ASCC3: variants seen among roughly 807,000 people sequenced by gnomAD.
ASCC3 encodes ASC-1 complex subunit P200.
ASCC3 carries 158 observed loss-of-function variants against 256.3 expected under a neutral mutation model. That is an observed-to-expected ratio of 0.62 (90% CI 0.54 to 0.70). The LOEUF (loss-of-function observed/expected upper bound fraction) is 0.70. Among genes scored for constraint, ASCC3 ranks in the 30% least tolerant of loss-of-function variants. The pLI is 0.00. For synonymous variants in ASCC3, 948 were observed against 883.4 expected, an observed-to-expected ratio of 1.07 and a Z score of -1.30; for missense variants, 2,259 against 2,626.0, an observed-to-expected ratio of 0.86 and a Z score of 3.05.
intron 11 of ASCC3, 81 bp downstream of exon 11, chr6:100,725,458 G>C (rs756348634): frequency 7.9e-6 from 11 of 1,393,296 alleles, no homozygotes; most frequent in Non-Finnish European, 1.0e-5. Flanking sequence ...TGTAACACAG[G>C]TCTACAGTGA....
chr6:100,650,955 G>C (rs1371751353), intron 19 of ASCC3, among the ~76,000 whole-genome samples: 3 of 151,670 alleles, frequency 2.0e-5, no homozygotes, highest in Admixed American at 6.6e-5. Flanking sequence ...ATTTGCCATT[G>C]ACATATAAAA....
chr6:100,513,915 T>C (rs1197932938), intron 39 of ASCC3, among the ~76,000 whole-genome samples: 1 of 152,054 alleles, frequency 6.6e-6, no homozygotes, highest in Non-Finnish European at 1.5e-5. Context: ...ATTGGCTTTT[T>C]TTTTTTTAAT....
At chr6:100,516,099 A>G (rs898313123) in intron 39 of ASCC3, 81 bp downstream of exon 39, 22 of 1,583,842 alleles carry the variant, frequency 1.4e-5, no homozygotes, top group Non-Finnish European at 1.7e-5. Context: ...TGGTTCCAAA[A>G]TCCATGCTCT....
intron 38 of ASCC3, among the ~76,000 whole-genome samples, chr6:100,517,422 GC>G (rs1774087903): frequency 6.6e-6 from 1 of 152,056 alleles, no homozygotes; most frequent in Non-Finnish European, 1.5e-5. Context: ...ATTAAACATT[GC>G]CAACCCTGCT....
In ASCC3 at chr6:100,631,174, T is replaced by C; in HGVS notation, c.4162A>G (p.Arg1388Gly). The C allele has an allele frequency of 6.2e-7, 1 of 1,612,730 alleles. No homozygotes were observed. Among genetic ancestry groups the C allele is most frequent in the Non-Finnish European group, 8.5e-7 (1 of 1,179,148 alleles). ...ATTCTAACTTTCCAATCATCCATTC[T>C]TTCACGTACTAGGGCTTTTAGGGGT... ...IAPLKALVRE[R>G]MDDWKVRIEE... Residue 1388 changes from arginine to glycine, a missense_variant, in exon 26 of 42, where the codon AGA (arginine) becomes GGA (glycine). Arg to Gly is a moderately radical substitution (Grantham distance 125). Around this residue, in one of 2 missense-constraint regions of ASCC3, gnomAD observed 1,839 missense variants for 2,206.7 expected, o/e 0.83. Transcript: ENST00000369162.
intron 4 of ASCC3, among the ~76,000 whole-genome samples, chr6:100,847,342 TA>T (rs1262328182): frequency 1.3e-5 from 2 of 152,128 alleles, no homozygotes; most frequent in Non-Finnish European, 2.9e-5. Context: ...ACAGATCTGA[TA>T]AAAATTAAAC....
rs193027973 is a variant in ASCC3 at position 100,711,154 on chromosome 6, C to T, written c.2151+4308G>A. ...TGTTCCATACTAAAGTACCAGGTAC[C>T]TCCTTACCTGGTCATTAAGCATTAA... On this transcript the variant is annotated intron_variant, in intron 13 of 41. Transcript: ENST00000369162. Among the ~76,000 whole-genome samples, 14 of 147,738 alleles carry T rather than the reference C, an allele frequency of 9.5e-5. 1 individual carries two copies. Among genetic ancestry groups the T allele is most frequent in the African/African-American group, 3.7e-4 (14 of 37,338 alleles).
rs780914628 is a variant in ASCC3 at position 100,601,828 on chromosome 6, C to T, written c.5285G>A (p.Arg1762His). 1.1e-5 allele frequency: 18 copies of T among 1,612,104 alleles called. No individual in the cohort carries two copies. Among genetic ancestry groups the T allele is most frequent in the African/African-American group, 5.3e-5 (4 of 74,772 alleles). The change falls in exon 34 of 42, where the codon CGT (arginine) becomes CAT (histidine). Residue 1762 changes from arginine to histidine, a missense_variant. Physicochemically the swap from Arg to His is conservative, Grantham distance 29. This residue lies in a region of ASCC3 where 1,839 missense variants were observed against 2,206.7 expected (regional missense o/e 0.83). Transcript: ENST00000369162. ...DYITWTYFFR[R>H]LIMNPSYYNL... The stretch of plus-strand genomic sequence containing the variant: ...CACTTACCTGGGATTCATGATAAGA[C>T]GTCGGAAAAAGTAAGTCCAGGTGAT...
At chr6:100,612,033 C>T (rs1408780605) in intron 30 of ASCC3, among the ~76,000 whole-genome samples, 2 of 151,870 alleles carry the variant, frequency 1.3e-5, no homozygotes, top group Admixed American at 1.3e-4. Flanking sequence ...CAATATTATA[C>T]GTAACAGAAA....
At chr6:100,760,789 A>G (rs957223997) in intron 10 of ASCC3, among the ~76,000 whole-genome samples, 1 of 152,224 alleles carries the variant, frequency 6.6e-6, no homozygotes, top group Non-Finnish European at 1.5e-5. Flanking sequence ...AGAACAGCAG[A>G]GCGAGAACAG....
rs1292990545 is a variant in ASCC3, at chr6:100,650,573, A to C, written c.3217T>G (p.Phe1073Val). ...TYISRGEMDS[F>V]SLISDSAYVA... ...TATGCAGAATCTGATATAAGGGAGAAACTGTCCATTTCTCCTCGGCTGATA... is the reference window on the plus strand; with the variant it reads ...TATGCAGAATCTGATATAAGGGAGACACTGTCCATTTCTCCTCGGCTGATA... The change falls in exon 20 of 42, where the codon TTC becomes GTC. Residue 1073 changes from phenylalanine to valine, a missense_variant. This residue lies in a region of ASCC3 where 1,839 missense variants were observed against 2,206.7 expected (regional missense o/e 0.83). Coordinates refer to ENST00000369162, the MANE Select transcript of ASCC3 (RefSeq NM_006828.4). The C allele has an allele frequency of 6.2e-7, 1 of 1,612,634 alleles. No individual in the cohort carries two copies. Among genetic ancestry groups the C allele is most frequent in the Non-Finnish European group, 8.5e-7 (1 of 1,179,058 alleles).
At chr6:100,562,071 C>T (rs1769985177) in intron 36 of ASCC3, among the ~76,000 whole-genome samples, 1 of 152,050 alleles carries the variant, frequency 6.6e-6, no homozygotes, top group Admixed American at 6.6e-5. Context: ...ACAATGAGCT[C>T]TAACTTTCTG....
intron 4 of ASCC3, among the ~76,000 whole-genome samples, chr6:100,822,279 G>A (rs1370928203): frequency 6.6e-6 from 1 of 152,160 alleles, no homozygotes; most frequent in Non-Finnish European, 1.5e-5. Flanking sequence ...GCTCACGCCT[G>A]TAATCCCAAC....
intron 3 of ASCC3, among the ~76,000 whole-genome samples, chr6:100,850,588 T>C (rs1772616506): frequency 6.6e-6 from 1 of 152,220 alleles, no homozygotes; most frequent in Non-Finnish European, 1.5e-5. Flanking sequence ...GAGTCACTTT[T>C]TACTTTATCT....
At chr6:100,653,625 G>A (rs749378634) in intron 17 of ASCC3, among the ~76,000 whole-genome samples, 7 of 150,948 alleles carry the variant, frequency 4.6e-5, no homozygotes, top group African/African-American at 1.5e-4. Context: ...GCGACAGAGC[G>A]AGGCTGGAGT....
rs1773926509 is a variant in ASCC3, at chr6:100,514,541, A to ATC, written c.6076-1624_6076-1623insGA. Among the ~76,000 whole-genome samples the ATC allele has an allele frequency of 7.2e-5, 11 of 152,060 alleles. No individual in the cohort carries two copies. In the South Asian group the frequency reaches 2.3e-3, roughly 32 times the overall value. On this transcript the variant is annotated intron_variant, in intron 39 of 41. Transcript: ENST00000369162. ...AATGTCATATCTGGCTTTTATATAT[A>ATC]TGTAATTTTTGTAGGACTTAATGTT...
At chr6:100,733,572 C>A (rs770881362) in intron 10 of ASCC3, among the ~76,000 whole-genome samples, 3 of 152,130 alleles carry the variant, frequency 2.0e-5, no homozygotes, top group Non-Finnish European at 2.9e-5. Context: ...AACTTTCCAG[C>A]CACCAGAATT....
chr6:100,661,218 A>G (rs1776176938), intron 16 of ASCC3, among the ~76,000 whole-genome samples: 1 of 151,658 alleles, frequency 6.6e-6, no homozygotes, highest in Non-Finnish European at 1.5e-5. Flanking sequence ...ACCTGATTTT[A>G]ATGTTCTATA....
Position 100,667,458 on chromosome 6 carries a change from T to C in ASCC3, c.2287-4922A>G, listed in dbSNP as rs1776535730. ...TAGGTGGAAAAGGAGCCAATTCAAG[T>C]TTTTAAGCAGTATCAGATTTGTTCT... is the stretch of plus-strand genomic sequence containing the variant. On this transcript the variant is annotated intron_variant, in intron 14 of 41. Transcript: ENST00000369162. Among the ~76,000 whole-genome samples, 3 of 152,200 alleles carry C rather than the reference T, an allele frequency of 2.0e-5. No individual in the cohort carries two copies. In the South Asian group the frequency reaches 6.2e-4, roughly 32 times the overall value.
Sources: gnomAD v4.1 joint callset for allele counts (sites outside exome capture counted in the v4.1 genomes callset) on GRCh38, gnomAD v4.1.1 for gene constraint, gnomAD v4.1.1 regional missense constraint, MANE v1.5 for transcripts, NCBI Gene and HGNC (gene_info 2026-07-23, HGNC 2026-07-21) for gene names.